RNF216: variants seen among roughly 807,000 people sequenced by gnomAD.
RNF216 encodes ring finger protein 216.
In RNF216, 72 loss-of-function variants were observed where a neutral mutation model predicts 110.8. That is an observed-to-expected ratio of 0.65 (90% CI 0.54 to 0.79). The LOEUF (loss-of-function observed/expected upper bound fraction) is 0.79, where lower values mean the gene tolerates loss of function less well. Among genes scored for constraint, RNF216 ranks in the 30% least tolerant of loss-of-function variants. The pLI, the probability that RNF216 is intolerant of heterozygous loss-of-function variation, is 0.00. For synonymous variants in RNF216, 495 were observed against 407.5 expected, an observed-to-expected ratio of 1.21 and a Z score of -2.59; for missense variants, 1,342 against 1,141.2, an observed-to-expected ratio of 1.18 and a Z score of -2.54.
At chr7:5,747,787 A>T (rs369207621) in intron 3 of RNF216, among the ~76,000 whole-genome samples, 9 of 151,038 alleles carry the variant, frequency 6.0e-5, no homozygotes, top group African/African-American at 2.2e-4. Context: ...GGGAAAAAAA[A>T]AGAAAAAATA....
At chr7:5,695,933 C>A (rs758735889) in intron 13 of RNF216, among the ~76,000 whole-genome samples, 1 of 152,170 alleles carries the variant, frequency 6.6e-6, no homozygotes, top group Non-Finnish European at 1.5e-5. Context: ...AAACATGTTT[C>A]CCGTCAGAAC....
chr7:5,768,346 T>C (rs867113855), intron 1 of RNF216, among the ~76,000 whole-genome samples: 33 of 71,928 alleles, frequency 4.6e-4, no homozygotes, highest in Admixed American at 1.2e-3. Flanking sequence ...GGCAGGCAAA[T>C]ACACACACAC....
intron 14 of RNF216, among the ~76,000 whole-genome samples, chr7:5,648,724 T>A: frequency 7.5e-6 from 1 of 133,976 alleles, no homozygotes. Context: ...TGAGACTCTG[T>A]CTCAAAAAAA....
At chr7:5,764,839 G>C (rs1796119015) in intron 1 of RNF216, among the ~76,000 whole-genome samples, 2 of 151,908 alleles carry the variant, frequency 1.3e-5, no homozygotes, top group African/African-American at 4.8e-5. Context: ...AGCCAAAGCG[G>C]GACAATCACT....
At chr7:5,679,808 T>C (rs2128604226) in intron 13 of RNF216, among the ~76,000 whole-genome samples, 1 of 152,208 alleles carries the variant, frequency 6.6e-6, no homozygotes, top group East Asian at 1.9e-4. Flanking sequence ...AATGAGCATC[T>C]TTAGACCCTC....
chr7:5,733,717 G>A (rs1411475765), intron 5 of RNF216, among the ~76,000 whole-genome samples: 23 of 146,054 alleles, frequency 1.6e-4, no homozygotes, highest in Non-Finnish European at 2.7e-4. Flanking sequence ...CAATTCACAC[G>A]CAAGGGAAAT....
At chr7:5,660,813 G>A (rs368939552) in intron 13 of RNF216, among the ~76,000 whole-genome samples, 27 of 151,394 alleles carry the variant, frequency 1.8e-4, no homozygotes, top group African/African-American at 6.6e-4. Flanking sequence ...CAAGCAATCC[G>A]CAAGCTTCAG....
intron 4 of RNF216, among the ~76,000 whole-genome samples, chr7:5,740,407 T>C (rs1187686584): frequency 6.6e-6 from 1 of 152,138 alleles, no homozygotes; most frequent in Non-Finnish European, 1.5e-5. Context: ...ATTACAGGTG[T>C]GAGCCAGCAC....
chr7:5,648,010 T>C (rs565983811), intron 14 of RNF216, among the ~76,000 whole-genome samples: 25 of 152,294 alleles, frequency 1.6e-4, no homozygotes, highest in Non-Finnish European at 3.2e-4. Context: ...AGACACTGCA[T>C]AGCTCTGGGT....
chr7:5,626,619 C>T (rs945425818), intron 15 of RNF216, among the ~76,000 whole-genome samples: 4 of 150,476 alleles, frequency 2.7e-5, no homozygotes, highest in East Asian at 2.0e-4. Flanking sequence ...TGGCAGTGAT[C>T]GTGCTACTGC....
At chr7:5,659,394 G>A (rs1016155439) in intron 13 of RNF216, among the ~76,000 whole-genome samples, 18 of 152,128 alleles carry the variant, frequency 1.2e-4, no homozygotes, top group African/African-American at 4.3e-4. Context: ...GCCAGGTATG[G>A]GTACAGAGGG....
chr7:5,742,584 A>ATTTT (rs1794819842), intron 3 of RNF216, among the ~76,000 whole-genome samples: 1 of 137,172 alleles, frequency 7.3e-6, no homozygotes, highest in East Asian at 2.2e-4. Context: ...ATGGTGAAAA[A>ATTTT]TCTTTTTTTT....
intron 8 of RNF216, among the ~76,000 whole-genome samples, chr7:5,724,753 T>C (rs1474822599): frequency 2.0e-5 from 3 of 152,186 alleles, no homozygotes; most frequent in Non-Finnish European, 4.4e-5. Context: ...TCTAGAAAAG[T>C]TGTAGTAAAC....
In RNF216 at chr7:5,711,791, C is replaced by A. The variant is rs1253296372; in HGVS notation, c.2031G>T (p.Arg677Ser). ...GGCAGTGAGGATTAGGACAGCTGAA[C>A]CTCTTCACATCACTGTCCAACAGAG... ...FPALLDSDVKRFSCPNPHCRK... is the reference protein window; with the variant it reads ...FPALLDSDVKSFSCPNPHCRK... Residue 677 changes from arginine to serine, a missense_variant, in exon 13 of 17, where the codon AGG (arginine) becomes AGT (serine). By Grantham distance (110) the Arg-to-Ser change is moderately radical (BLOSUM62 -1). Transcript: ENST00000389902. The A allele has an allele frequency of 1.2e-6, 2 of 1,613,738 alleles. No individual in the cohort carries two copies. Among genetic ancestry groups the A allele is most frequent in the Non-Finnish European group, 1.7e-6 (2 of 1,179,922 alleles).
rs571781687 is a variant in RNF216 at position 5,728,579 on chromosome 7, A to AAAAAAG, written c.1389+847_1389+852dup. On this transcript the variant is annotated intron_variant, in intron 7 of 16. Transcript: ENST00000389902. ...ACAGAGTGAGACTCCGTCTCAAAAA[A>AAAAAAG]AAAAAGAAAAAGAAAAAGAAAAAGA... 4.6e-3 allele frequency among the ~76,000 whole-genome samples: 706 copies of AAAAAAG among 152,072 alleles called. 4 individuals are homozygous for AAAAAAG. The highest frequency in any genetic ancestry group is 0.013 in the African/African-American group (522 of 41,434).
Position 5,716,697 on chromosome 7 carries a change from A to G in RNF216, c.1695+19T>C, listed in dbSNP as rs1385773235. On this transcript the variant is annotated intron_variant, in intron 10 of 16. Coordinates refer to ENST00000389902, the MANE Select transcript of RNF216 (RefSeq NM_207111.4). Reference sequence around the variant, plus strand: ...CCCATGAAAATGCCCAGAATAAACAAGGTGAGATTTCAAACTACCTTTTGA... The same window carrying G: ...CCCATGAAAATGCCCAGAATAAACAGGGTGAGATTTCAAACTACCTTTTGA... 1 of 1,573,074 alleles carries G rather than the reference A, an allele frequency of 6.4e-7. No individual in the cohort carries two copies. The highest frequency in any genetic ancestry group is 8.7e-7 in the Non-Finnish European group (1 of 1,154,430).
At chr7:5,775,679 G>A (rs901370375) in intron 1 of RNF216, among the ~76,000 whole-genome samples, 1 of 151,942 alleles carries the variant, frequency 6.6e-6, no homozygotes, top group Non-Finnish European at 1.5e-5. Context: ...AGACCAGCCT[G>A]GCCAACACGG....
chr7:5,731,838 G>A (rs1794107202), intron 5 of RNF216, among the ~76,000 whole-genome samples: 1 of 145,264 alleles, frequency 6.9e-6, no homozygotes, highest in Non-Finnish European at 1.5e-5. Flanking sequence ...GGCAGAAAGA[G>A]GGTAGAGAAA....
chr7:5,750,554 A>T (rs1795276387), intron 3 of RNF216, among the ~76,000 whole-genome samples: 1 of 152,242 alleles, frequency 6.6e-6, no homozygotes, highest in Non-Finnish European at 1.5e-5. Context: ...CCTGTTAGAT[A>T]GCAGGAACCT....
Sources: allele counts gnomAD v4.1 joint callset (sites outside exome capture counted in the v4.1 genomes callset), GRCh38; gene constraint gnomAD v4.1.1; transcripts MANE v1.5; gene names NCBI Gene and HGNC (gene_info 2026-07-23, HGNC 2026-07-21).